MAP3K20: variants seen among roughly 807,000 people sequenced by gnomAD.
MAP3K20 encodes the protein mitogen-activated protein kinase kinase kinase 20.
MAP3K20 carries 40 observed loss-of-function variants against 85.7 expected under a neutral mutation model. The observed-to-expected ratio is 0.47, with a 90% CI of 0.36 to 0.61. MAP3K20 has a LOEUF of 0.61. Ranked by LOEUF, MAP3K20 falls within the 20% of genes least tolerant of loss-of-function variation. The probability of loss-of-function intolerance (pLI) is 0.00; values close to 1 mark genes in which losing one functional copy is unlikely to be tolerated. For synonymous variants in MAP3K20, 325 were observed against 327.7 expected (o/e 0.99, Z 0.09); for missense variants, 817 against 961.7 (o/e 0.85, Z 1.99).
intron 15 of MAP3K20, among the ~76,000 whole-genome samples, chr2:173,238,658 C>T (rs1170732480): frequency 6.6e-6 from 1 of 152,200 alleles, no homozygotes; most frequent in East Asian, 1.9e-4. Flanking sequence ...AAGAACAACA[C>T]ACCTTACTTT....
chr2:173,181,455 G>A (rs1236354095), intron 3 of MAP3K20, among the ~76,000 whole-genome samples: 2 of 152,064 alleles, frequency 1.3e-5, no homozygotes, highest in South Asian at 2.1e-4. Flanking sequence ...AAATGGTAGA[G>A]CCTCTTTGGA....
intron 14 of MAP3K20, among the ~76,000 whole-genome samples, chr2:173,237,096 G>A (rs1684671671): frequency 8.1e-6 from 1 of 123,750 alleles, no homozygotes; most frequent in African/African-American, 3.1e-5. Context: ...GTGCGATCTT[G>A]GCTCACTGCA....
chr2:173,197,788 T>C (rs1012599879), intron 7 of MAP3K20: 35 of 212,232 alleles, frequency 1.6e-4, no homozygotes, highest in African/African-American at 7.6e-4. Flanking sequence ...CATAAAATTT[T>C]AAGTCTGGCT....
intron 9 of MAP3K20, among the ~76,000 whole-genome samples, chr2:173,209,181 C>G (rs1371119390): frequency 6.6e-6 from 1 of 152,184 alleles, no homozygotes; most frequent in Non-Finnish European, 1.5e-5. Context: ...TTTCCTCACC[C>G]AGATAATCAG....
At chr2:173,083,139 T>C (rs6433396) in intron 1 of MAP3K20, among the ~76,000 whole-genome samples, 151,098 of 152,330 alleles carry the variant, frequency 0.99, 74,955 homozygotes, top group Middle Eastern at 1. Context: ...AGGGGGAAAA[T>C]ATGAAACAAT....
chr2:173,101,850 A>G (rs1446745102), intron 2 of MAP3K20, among the ~76,000 whole-genome samples: 3 of 152,192 alleles, frequency 2.0e-5, no homozygotes, highest in African/African-American at 4.8e-5. Context: ...AATAGAGGCC[A>G]TGTTATCAAT....
intron 8 of MAP3K20, among the ~76,000 whole-genome samples, chr2:173,199,111 A>T (rs772983479): frequency 6.6e-6 from 1 of 152,222 alleles, no homozygotes; most frequent in Non-Finnish European, 1.5e-5. Context: ...AAAGGTGAAT[A>T]TATAAAAATA....
intron 16 of MAP3K20, among the ~76,000 whole-genome samples, chr2:173,256,869 A>G (rs774668179): frequency 1.8e-4 from 27 of 152,154 alleles, no homozygotes; most frequent in Admixed American, 6.5e-5. Flanking sequence ...TAAGAAATGC[A>G]GTTCAGGTGC....
intron 18 of MAP3K20, among the ~76,000 whole-genome samples, chr2:173,262,817 T>G (rs560173646): frequency 5.5e-4 from 83 of 152,286 alleles, no homozygotes; most frequent in Admixed American, 1.2e-3. Flanking sequence ...CTTGAGGAAC[T>G]TGGAAACTAG....
intron 7 of MAP3K20, among the ~76,000 whole-genome samples, chr2:173,193,252 ATTGT>A (rs202100866): frequency 0.013 from 1,971 of 152,284 alleles, 23 homozygotes; most frequent in Middle Eastern, 0.024. Context: ...CAGCTTTTAA[ATTGT>A]TTGTCACATT....
At chr2:173,139,177 G>C (rs1385538845) in intron 2 of MAP3K20, among the ~76,000 whole-genome samples, 1 of 152,208 alleles carries the variant, frequency 6.6e-6, no homozygotes, top group African/African-American at 2.4e-5. Context: ...CACTGGAGAA[G>C]TACAGTGCTT....
At chr2:173,146,284 A>AG (rs1284432789) in intron 2 of MAP3K20, among the ~76,000 whole-genome samples, 1 of 151,936 alleles carries the variant, frequency 6.6e-6, no homozygotes, top group East Asian at 1.9e-4. Flanking sequence ...TGCCTTTTAG[A>AG]GGGATTCTCC....
At chr2:173,249,832 T>C (rs1685003178) in intron 16 of MAP3K20, among the ~76,000 whole-genome samples, 1 of 152,222 alleles carries the variant, frequency 6.6e-6, no homozygotes, top group African/African-American at 2.4e-5. Flanking sequence ...AACTAACATC[T>C]GAACCATTTT....
At chr2:173,116,545 T>G (rs1688129460) in intron 2 of MAP3K20, among the ~76,000 whole-genome samples, 1 of 152,196 alleles carries the variant, frequency 6.6e-6, no homozygotes. Flanking sequence ...CCCTCATCAC[T>G]GACTTTGTTT....
intron 15 of MAP3K20, among the ~76,000 whole-genome samples, chr2:173,239,192 G>C (rs1684722868): frequency 6.6e-6 from 1 of 152,014 alleles, no homozygotes; most frequent in Non-Finnish European, 1.5e-5. Flanking sequence ...AATTTGAACT[G>C]CATGAAATAA....
chr2:173,255,242 C>T (rs16861447), intron 16 of MAP3K20, among the ~76,000 whole-genome samples: 5,700 of 152,256 alleles, frequency 0.037, 361 homozygotes, highest in African/African-American at 0.13. Context: ...GTTGTATCAA[C>T]GAAATCTCTG....
At chr2:173,251,790 A>G (rs1007062040) in intron 16 of MAP3K20, among the ~76,000 whole-genome samples, 2 of 152,240 alleles carry the variant, frequency 1.3e-5, no homozygotes, top group Non-Finnish European at 2.9e-5. Context: ...TATGCAAATT[A>G]TACCTCAATA....
At position 173,203,876 on chromosome 2, in the gene MAP3K20, C is replaced by T; in HGVS notation, c.744+6C>T. On this transcript the variant is annotated splice_donor_region_variant and intron_variant, in intron 9 of 19. Coordinates refer to ENST00000375213, the MANE Select transcript of MAP3K20 (RefSeq NM_016653.3). ...GTTGGGAAGCTGATGCCAAGGTATACATATGTATTTTTGTTATTGTTTAGA... is the reference window on the plus strand; with the variant it reads ...GTTGGGAAGCTGATGCCAAGGTATATATATGTATTTTTGTTATTGTTTAGA... The T allele has an allele frequency of 1.9e-6, 3 of 1,612,216 alleles. No homozygotes were observed. Among genetic ancestry groups the T allele is most frequent in the Non-Finnish European group, 2.5e-6 (3 of 1,178,624 alleles).
intron 1 of MAP3K20, among the ~76,000 whole-genome samples, chr2:173,084,640 T>C (rs1005129221): frequency 5.3e-5 from 8 of 152,084 alleles, no homozygotes; most frequent in Non-Finnish European, 7.4e-5. Flanking sequence ...ATAATTGCTC[T>C]ACAAAACTAA....
Sources: allele counts gnomAD v4.1 joint callset (sites outside exome capture counted in the v4.1 genomes callset), GRCh38; gene constraint gnomAD v4.1.1; transcripts MANE v1.5; gene names NCBI Gene and HGNC (gene_info 2026-07-23, HGNC 2026-07-21).